Variants in SLC4A4 observed in about 807,000 individuals in gnomAD.
SLC4A4 encodes electrogenic sodium bicarbonate cotransporter 1.
SLC4A4 carries 27 observed loss-of-function variants against 111.5 expected under a neutral mutation model. The ratio of observed to expected loss-of-function variants is 0.24; its 90% CI spans 0.18 to 0.33. The LOEUF (loss-of-function observed/expected upper bound fraction) is 0.33. Among genes scored for constraint, SLC4A4 ranks in the 10% least tolerant of loss-of-function variants. The pLI is 1.00. For missense variants in SLC4A4, 909 were observed against 1,315.5 expected, an observed-to-expected ratio of 0.69 and a Z score of 4.78; for synonymous variants, 443 against 463.4, an observed-to-expected ratio of 0.96 and a Z score of 0.57.
chr4:71,560,277 A>G (rs762719333), intron 23 of SLC4A4, 23 bp downstream of exon 23: 28 of 1,587,872 alleles, frequency 1.8e-5, no homozygotes, highest in Non-Finnish European at 2.3e-5. Context: ...CCAAATTCCA[A>G]AGGAAAGCTA....
At chr4:71,302,419 T>G (rs1725346763) in intron 3 of SLC4A4, among the ~76,000 whole-genome samples, 1 of 152,204 alleles carries the variant, frequency 6.6e-6, no homozygotes, top group Admixed American at 6.5e-5. Flanking sequence ...TTTTTCTCTA[T>G]GCTCATAATG....
At chr4:71,331,953 G>A (rs7694413) in intron 3 of SLC4A4, among the ~76,000 whole-genome samples, 147,871 of 152,280 alleles carry the variant, frequency 0.97, 71,957 homozygotes, top group Middle Eastern at 1. Flanking sequence ...AAGTTTCTCA[G>A]TTTATTGGCA....
At chr4:71,317,073 TGC>T (rs965099331) in intron 3 of SLC4A4, among the ~76,000 whole-genome samples, 15 of 48,734 alleles carry the variant, frequency 3.1e-4, no homozygotes, top group South Asian at 1.3e-3. Flanking sequence ...TGTGTGTGTG[TGC>T]GTGTGTGTGT....
intron 1 of SLC4A4, among the ~76,000 whole-genome samples, chr4:71,069,044 G>A (rs1741603479): frequency 6.6e-6 from 1 of 152,218 alleles, no homozygotes; most frequent in Admixed American, 6.5e-5. Flanking sequence ...TTACACGTTT[G>A]TTAGAGGGCA....
intron 2 of SLC4A4, among the ~76,000 whole-genome samples, chr4:71,177,767 G>A (rs1427926467): frequency 6.6e-6 from 1 of 152,018 alleles, no homozygotes; most frequent in Non-Finnish European, 1.5e-5. Context: ...TTAGACAGAT[G>A]AATGGGACAG....
chr4:71,253,552 A>G (rs1283158563), intron 2 of SLC4A4, among the ~76,000 whole-genome samples: 1 of 152,278 alleles, frequency 6.6e-6, no homozygotes, highest in South Asian at 2.1e-4. Context: ...TATTGAAGCA[A>G]TTGGTTGGCT....
chr4:71,213,858 A>G (rs1390132296), intron 1 of SLC4A4, among the ~76,000 whole-genome samples: 2 of 152,230 alleles, frequency 1.3e-5, no homozygotes, highest in Non-Finnish European at 2.9e-5. Flanking sequence ...AGGTCTCACC[A>G]GGAACGGAAT....
intron 1 of SLC4A4, among the ~76,000 whole-genome samples, chr4:71,080,998 C>T (rs568273637): frequency 1.3e-5 from 2 of 152,188 alleles, no homozygotes; most frequent in Admixed American, 6.5e-5. Context: ...TACTAAAACT[C>T]CTCTTGGATT....
intron 2 of SLC4A4, among the ~76,000 whole-genome samples, chr4:71,158,613 G>A (rs895376642): frequency 6.6e-6 from 1 of 152,164 alleles, no homozygotes; most frequent in Non-Finnish European, 1.5e-5. Flanking sequence ...TAGCCTTGTA[G>A]CAATGAGCCG....
chr4:71,302,152 A>G (rs1193907005), intron 3 of SLC4A4, among the ~76,000 whole-genome samples: 1 of 152,140 alleles, frequency 6.6e-6, no homozygotes, highest in Non-Finnish European at 1.5e-5. Flanking sequence ...GGAAATAGAG[A>G]TGATTTTTTT....
At chr4:71,303,673 T>G (rs184548190) in intron 3 of SLC4A4, among the ~76,000 whole-genome samples, 56 of 152,300 alleles carry the variant, frequency 3.7e-4, no homozygotes, top group African/African-American at 1.3e-3. Context: ...TCCTGCTCCT[T>G]CTAAACAGAA....
intron 1 of SLC4A4, among the ~76,000 whole-genome samples, chr4:71,192,624 A>G (rs1745781582): frequency 6.6e-6 from 1 of 152,082 alleles, no homozygotes; most frequent in Non-Finnish European, 1.5e-5. Context: ...TCACTTCATT[A>G]CACCCCCTTC....
chr4:71,413,728 A>G (rs1721598450), intron 7 of SLC4A4, among the ~76,000 whole-genome samples: 1 of 152,196 alleles, frequency 6.6e-6, no homozygotes, highest in East Asian at 1.9e-4. Context: ...TTGAACATGT[A>G]TTAACTTCTC....
At position 71,538,613 on chromosome 4, in the gene SLC4A4, T is replaced by C. The variant is rs145406655; in HGVS notation, c.2442+4225T>C. 3.2e-3 allele frequency among the ~76,000 whole-genome samples: 486 copies of C among 152,258 alleles called. 4 individuals are homozygous for C. Among genetic ancestry groups the C allele is most frequent in the African/African-American group, 0.011 (450 of 41,566 alleles). The stretch of plus-strand genomic sequence containing the variant: ...AGGGCCTTAACTGCTATGAAATTGT[T>C]TCAAAAGAGAAAGCTGAAACTGAGA... On this transcript the variant is annotated intron_variant, in intron 18 of 25. Transcript: ENST00000264485.
intron 2 of SLC4A4, among the ~76,000 whole-genome samples, chr4:71,253,566 C>T (rs1486914175): frequency 1.3e-5 from 2 of 152,198 alleles, no homozygotes; most frequent in African/African-American, 2.4e-5. Flanking sequence ...GTTGGCTTTG[C>T]TCACTTACAT....
At chr4:71,266,448 A>G (rs1411824086) in intron 3 of SLC4A4, among the ~76,000 whole-genome samples, 16 of 152,182 alleles carry the variant, frequency 1.1e-4, no homozygotes, top group Non-Finnish European at 2.9e-5. Context: ...GCAATTGTGC[A>G]GCTTTTTGAG....
At chr4:71,463,606 C>T (rs1388124875) in intron 12 of SLC4A4, among the ~76,000 whole-genome samples, 1 of 152,090 alleles carries the variant, frequency 6.6e-6, no homozygotes, top group Non-Finnish European at 1.5e-5. Context: ...TAAAAATATG[C>T]CTTTTAACAG....
At chr4:71,443,778 G>A (rs1299274058) in intron 8 of SLC4A4, among the ~76,000 whole-genome samples, 5 of 152,108 alleles carry the variant, frequency 3.3e-5, no homozygotes, top group African/African-American at 1.2e-4. Flanking sequence ...GGCACTGTAA[G>A]ATAATATATA....
At chr4:71,089,094 T>C (rs1425896631) in intron 1 of SLC4A4, among the ~76,000 whole-genome samples, 2 of 152,022 alleles carry the variant, frequency 1.3e-5, no homozygotes, top group Non-Finnish European at 2.9e-5. Context: ...TTGGAGGCTT[T>C]CTTCATTTCC....
Sources: gnomAD v4.1 joint callset for allele counts (sites outside exome capture counted in the v4.1 genomes callset) on GRCh38, gnomAD v4.1.1 for gene constraint, MANE v1.5 for transcripts, NCBI Gene and HGNC (gene_info 2026-07-23, HGNC 2026-07-21) for gene names.